TMEM232: variants seen among roughly 807,000 people sequenced by gnomAD.
TMEM232 encodes transmembrane protein 232.
In TMEM232, 80 loss-of-function variants were observed where a neutral mutation model predicts 78.8. The observed-to-expected ratio is 1.01, with a 90% CI of 0.85 to 1.22. The LOEUF (loss-of-function observed/expected upper bound fraction) is 1.22, where lower values mean the gene tolerates loss of function less well. Ranked by LOEUF, TMEM232 falls within the 50% of genes most tolerant of loss-of-function variation. The probability of loss-of-function intolerance (pLI) is 0.00; values close to 1 mark genes in which losing one functional copy is unlikely to be tolerated. For synonymous variants in TMEM232, 297 were observed against 254.3 expected (o/e 1.17, Z -1.60); for missense variants, 881 against 742.2 (o/e 1.19, Z -2.17).
chr5:110,644,064 T>C (rs1561442901), intron 2 of TMEM232, among the ~76,000 whole-genome samples: 1 of 151,956 alleles, frequency 6.6e-6, no homozygotes, highest in Non-Finnish European at 1.5e-5. Flanking sequence ...AATCCAGCCT[T>C]AGTGGAGCTT....
At chr5:110,473,759 GAATA>G (rs1228019478) in intron 12 of TMEM232, among the ~76,000 whole-genome samples, 1 of 148,812 alleles carries the variant, frequency 6.7e-6, no homozygotes, top group Non-Finnish European at 1.5e-5. Flanking sequence ...TGGAAAAAAT[GAATA>G]AAGAAAATAT....
chr5:110,585,121 AGTAGGTGAAGACCTTTACATG>A (rs1159429051), intron 10 of TMEM232, among the ~76,000 whole-genome samples: 1 of 152,106 alleles, frequency 6.6e-6, no homozygotes, highest in Admixed American at 6.6e-5. Context: ...CTTCTTCTTA[AGTAGGTGAAGACCTTTACATG>A]GTAAAAAGCT....
chr5:110,622,864 G>A (rs1264816586), intron 7 of TMEM232, among the ~76,000 whole-genome samples: 1 of 139,228 alleles, frequency 7.2e-6, no homozygotes, highest in Non-Finnish European at 1.6e-5. Context: ...AGGGGGGAGG[G>A]ATAGCATTGG....
At chr5:110,621,577 G>C (rs1455034596) in intron 7 of TMEM232, among the ~76,000 whole-genome samples, 1 of 151,818 alleles carries the variant, frequency 6.6e-6, no homozygotes, top group Non-Finnish European at 1.5e-5. Context: ...ATCTGTAATG[G>C]TTTGGAAATT....
At chr5:110,400,194 AAATGCAC>A (rs1171131487) in intron 2 of TMEM232, among the ~76,000 whole-genome samples, 2 of 152,156 alleles carry the variant, frequency 1.3e-5, no homozygotes, top group Non-Finnish European at 2.9e-5. Context: ...GCTAAGTGAA[AAATGCAC>A]AATTTAGAAT....
At chr5:110,392,217 C>T (rs1256067516) in intron 3 of TMEM232, among the ~76,000 whole-genome samples, 2 of 152,180 alleles carry the variant, frequency 1.3e-5, no homozygotes, top group African/African-American at 4.8e-5. Flanking sequence ...TCCCAGTCTC[C>T]TGCCTCCCAA....
At chr5:110,508,998 GTA>G (rs202045858) in intron 12 of TMEM232, among the ~76,000 whole-genome samples, 10,301 of 123,412 alleles carry the variant, frequency 0.083, 600 homozygotes, top group East Asian at 0.24. Flanking sequence ...GTGTATATAT[GTA>G]TATATATATG....
chr5:110,443,994 T>G (rs556957334), intron 12 of TMEM232, among the ~76,000 whole-genome samples: 2 of 152,304 alleles, frequency 1.3e-5, no homozygotes, highest in African/African-American at 2.4e-5. Flanking sequence ...TGCTCTCTTC[T>G]TCTTAAATAG....
At chr5:110,658,694 T>C (rs1490238482) in intron 2 of TMEM232, among the ~76,000 whole-genome samples, 1 of 152,182 alleles carries the variant, frequency 6.6e-6, no homozygotes, top group Non-Finnish European at 1.5e-5. Flanking sequence ...AACTGTAATG[T>C]CATCTCTTGT....
chr5:110,700,636 C>T (rs1040358257), intron 1 of TMEM232, among the ~76,000 whole-genome samples: 1 of 151,678 alleles, frequency 6.6e-6, no homozygotes, highest in Non-Finnish European at 1.5e-5. Flanking sequence ...CAGAAATTAA[C>T]AAGAATAAAT....
intron 2 of TMEM232, among the ~76,000 whole-genome samples, chr5:110,407,014 C>G (rs981537330): frequency 7.9e-5 from 12 of 151,726 alleles, no homozygotes; most frequent in African/African-American, 2.9e-4. Flanking sequence ...ATAACAGTAA[C>G]AATTTAAAAC....
intron 11 of TMEM232, among the ~76,000 whole-genome samples, chr5:110,532,526 A>C (rs948875275): frequency 6.6e-6 from 1 of 151,646 alleles, no homozygotes; most frequent in African/African-American, 2.4e-5. Flanking sequence ...AAAACTCCCC[A>C]ACTCTGGTGC....
intron 12 of TMEM232, among the ~76,000 whole-genome samples, chr5:110,434,478 A>G (rs1304848926): frequency 6.6e-6 from 1 of 151,522 alleles, no homozygotes; most frequent in Non-Finnish European, 1.5e-5. Flanking sequence ...TAATAAACCT[A>G]CCAACCAAAT....
intron 1 of TMEM232, among the ~76,000 whole-genome samples, chr5:110,710,540 T>G (rs1051636755): frequency 2.6e-5 from 4 of 152,166 alleles, no homozygotes; most frequent in Non-Finnish European, 4.4e-5. Flanking sequence ...AGAAAGATTA[T>G]TCATCATGAC....
At chr5:110,613,875 T>A (rs1180004059) in intron 8 of TMEM232, among the ~76,000 whole-genome samples, 1 of 152,070 alleles carries the variant, frequency 6.6e-6, no homozygotes, top group Non-Finnish European at 1.5e-5. Context: ...AAATATTTTG[T>A]AAGGAGAAAA....
At chr5:110,496,455 T>C (rs571429084) in intron 12 of TMEM232, among the ~76,000 whole-genome samples, 1 of 152,124 alleles carries the variant, frequency 6.6e-6, no homozygotes, top group South Asian at 2.1e-4. Flanking sequence ...TTTATAGAAA[T>C]TGTTTTAGGA....
chr5:110,642,449 G>C (rs886397782), intron 2 of TMEM232, 78 bp from the exon 3 acceptor site: 3 of 981,468 alleles, frequency 3.1e-6, no homozygotes, highest in Non-Finnish European at 4.3e-6. Context: ...ACTTCCAGTG[G>C]CTATGTATAA....
At chr5:110,408,640 A>T (rs1561460428) in intron 2 of TMEM232, among the ~76,000 whole-genome samples, 1 of 152,196 alleles carries the variant, frequency 6.6e-6, no homozygotes, top group East Asian at 1.9e-4. Flanking sequence ...TGAAACAAAA[A>T]GTTTGTTTAT....
downstream of TMEM232, among the ~76,000 whole-genome samples, chr5:110,417,133 C>T (rs1459688104): frequency 6.6e-6 from 1 of 152,098 alleles, no homozygotes; most frequent in African/African-American, 2.4e-5. Context: ...TGTAGGGAGT[C>T]TTGAGTTTAT....
Sources: allele counts gnomAD v4.1 joint callset (sites outside exome capture counted in the v4.1 genomes callset), GRCh38; gene constraint gnomAD v4.1.1; transcripts MANE v1.5; gene names NCBI Gene and HGNC (gene_info 2026-07-23, HGNC 2026-07-21).